Variants in CDH12 observed in about 807,000 individuals in gnomAD.
CDH12 encodes the protein cadherin 12.
In CDH12, 41 loss-of-function variants were observed where a neutral mutation model predicts 74.1. The observed-to-expected ratio is 0.55, with a 90% confidence interval of 0.43 to 0.72. The LOEUF (loss-of-function observed/expected upper bound fraction) is 0.72. Ranked by LOEUF, CDH12 falls within the 30% of genes least tolerant of loss-of-function variation. The pLI is 0.00. For missense variants in CDH12, 945 were observed against 977.2 expected, an observed-to-expected ratio of 0.97 and a Z score of 0.44; for synonymous variants, 399 against 355.0, an observed-to-expected ratio of 1.12 and a Z score of -1.39.
chr5:22,402,017 T>C (rs1742750446), intron 3 of CDH12, among the ~76,000 whole-genome samples: 1 of 152,234 alleles, frequency 6.6e-6, no homozygotes, highest in African/African-American at 2.4e-5. Flanking sequence ...CTTCTGGCCT[T>C]CAGAACTTTG....
chr5:22,794,752 T>C (rs1748100381), intron 1 of CDH12, among the ~76,000 whole-genome samples: 1 of 152,132 alleles, frequency 6.6e-6, no homozygotes, highest in South Asian at 2.1e-4. Context: ...TATATTATCT[T>C]ACATAGCAAA....
intron 4 of CDH12, chr5:22,141,578 A>G (rs1171050505): frequency 1.3e-5 from 2 of 152,126 alleles, no homozygotes; most frequent in Non-Finnish European, 2.9e-5. Flanking sequence ...ATATTACCGA[A>G]TCTTTTGGGG....
chr5:22,683,469 G>A (rs1741603397), intron 1 of CDH12, among the ~76,000 whole-genome samples: 1 of 152,152 alleles, frequency 6.6e-6, no homozygotes, highest in Admixed American at 6.6e-5. Flanking sequence ...TAATGATAAT[G>A]CTGCAGTTTC....
chr5:22,513,499 A>T (rs74336423), intron 1 of CDH12, among the ~76,000 whole-genome samples: 96 of 152,320 alleles, frequency 6.3e-4, no homozygotes, highest in Non-Finnish European at 1.1e-3. Flanking sequence ...CTAACTTCAG[A>T]TTCTACAGCA....
At chr5:22,029,060 T>G (rs1357832946) in intron 5 of CDH12, among the ~76,000 whole-genome samples, 1 of 152,214 alleles carries the variant, frequency 6.6e-6, no homozygotes, top group Admixed American at 6.5e-5. Flanking sequence ...GCTAGCCATA[T>G]GTAGAAAGCT....
intron 6 of CDH12, among the ~76,000 whole-genome samples, chr5:21,895,399 G>C (rs1201827098): frequency 6.6e-6 from 1 of 152,212 alleles, no homozygotes; most frequent in African/African-American, 2.4e-5. Flanking sequence ...GTAGAGAAGA[G>C]AAACTGTGGT....
chr5:22,125,257 C>T (rs1745783503), intron 4 of CDH12, among the ~76,000 whole-genome samples: 1 of 152,032 alleles, frequency 6.6e-6, no homozygotes, highest in Non-Finnish European at 1.5e-5. Context: ...CTCTCCCTCC[C>T]CTTGTCCCCC....
Position 22,815,211 on chromosome 5 carries a change from G to GA in CDH12, c.-523+37846dup, listed in dbSNP as rs988506761. Among the ~76,000 whole-genome samples, 116 of 150,882 alleles carry GA rather than the reference G, an allele frequency of 7.7e-4. 2 individuals are homozygous for GA. The East Asian group carries it at 0.015, about 20-fold the overall frequency. ...CCACAAGTGAAGCAGGTTGCACAAA[G>GA]AAAAAAAAATGTAATGCATATGGTT... On this transcript the variant is annotated intron_variant, in intron 1 of 14. Coordinates refer to ENST00000382254, the MANE Select transcript of CDH12 (RefSeq NM_004061.5).
intron 3 of CDH12, among the ~76,000 whole-genome samples, chr5:22,231,658 G>A (rs1364043897): frequency 5.3e-5 from 8 of 151,828 alleles, no homozygotes; most frequent in Admixed American, 3.9e-4. Context: ...TAAACACAAA[G>A]CATGTTTCTA....
In CDH12 at chr5:22,023,583, A is replaced by C. The variant is rs115726024; in HGVS notation, c.232-48198T>G. On this transcript the variant is annotated intron_variant, in intron 5 of 14. Coordinates refer to ENST00000382254, the MANE Select transcript of CDH12 (RefSeq NM_004061.5). The stretch of plus-strand genomic sequence containing the variant: ...ACACACGAATATTCTCTCTCTCTAT[A>C]TATATATATACACACACACAAATTT... Among the ~76,000 whole-genome samples, 1,001 of 151,708 alleles carry C rather than the reference A, an allele frequency of 6.6e-3. 11 individuals carry two copies. The highest frequency in any genetic ancestry group is 0.022 in the African/African-American group (914 of 41,272).
intron 6 of CDH12, among the ~76,000 whole-genome samples, chr5:21,913,769 G>A (rs1261069653): frequency 2.0e-5 from 3 of 152,020 alleles, no homozygotes; most frequent in Admixed American, 6.6e-5. Context: ...CTGACCTCCT[G>A]AGCACAAGCG....
At chr5:22,494,689 T>A (rs1401132794) in intron 2 of CDH12, among the ~76,000 whole-genome samples, 1 of 152,202 alleles carries the variant, frequency 6.6e-6, no homozygotes, top group Non-Finnish European at 1.5e-5. Context: ...CTATTGATGA[T>A]GTTAAGTGAG....
intron 2 of CDH12, among the ~76,000 whole-genome samples, chr5:22,457,413 CTCT>C (rs34813699): frequency 0.45 from 66,864 of 147,250 alleles, 15,336 homozygotes; most frequent in Admixed American, 0.63. Context: ...CTTCCTCTTC[CTCT>C]TCTTCTTCAT....
chr5:22,248,036 C>T (rs1212962406), intron 3 of CDH12, among the ~76,000 whole-genome samples: 2 of 152,158 alleles, frequency 1.3e-5, no homozygotes, highest in South Asian at 2.1e-4. Context: ...GTGGCTCACG[C>T]CTGTAATCCA....
At chr5:22,398,927 C>T (rs1348862523) in intron 3 of CDH12, among the ~76,000 whole-genome samples, 3 of 151,992 alleles carry the variant, frequency 2.0e-5, no homozygotes, top group South Asian at 2.1e-4. Context: ...GTGCAGGGTA[C>T]GTTTGGCTTT....
chr5:22,599,830 A>G (rs1372589662), intron 1 of CDH12, among the ~76,000 whole-genome samples: 2 of 152,272 alleles, frequency 1.3e-5, no homozygotes, highest in South Asian at 2.1e-4. Context: ...TTTTGCCTTT[A>G]ATCTGCAAAG....
intron 5 of CDH12, among the ~76,000 whole-genome samples, chr5:22,002,612 C>A (rs1736669933): frequency 6.6e-6 from 1 of 151,934 alleles, no homozygotes; most frequent in Non-Finnish European, 1.5e-5. Flanking sequence ...TGTGTTTGAG[C>A]AAAATTCACT....
chr5:22,421,996 G>A (rs1200673959), intron 2 of CDH12, among the ~76,000 whole-genome samples: 1 of 152,162 alleles, frequency 6.6e-6, no homozygotes, highest in Admixed American at 6.5e-5. Flanking sequence ...CTTTTGAGAA[G>A]TGTCTGTTTA....
intron 8 of CDH12, among the ~76,000 whole-genome samples, chr5:21,840,922 A>G (rs1425242850): frequency 6.6e-6 from 1 of 152,050 alleles, no homozygotes; most frequent in Non-Finnish European, 1.5e-5. Flanking sequence ...AAACCTAGGC[A>G]TTACCATTCA....
Sources: allele counts gnomAD v4.1 joint callset (sites outside exome capture counted in the v4.1 genomes callset), GRCh38; gene constraint gnomAD v4.1.1; transcripts MANE v1.5; gene names NCBI Gene and HGNC (gene_info 2026-07-23, HGNC 2026-07-21).